MAD1L1: variants seen among roughly 807,000 people sequenced by gnomAD.
MAD1L1 encodes the protein mitotic spindle assembly checkpoint protein MAD1.
Under a neutral mutation model 96.9 loss-of-function variants are expected in MAD1L1, and 95 were observed. That is an observed-to-expected ratio of 0.98 (90% CI 0.83 to 1.16). The LOEUF is 1.16. MAD1L1 is among the 50% of genes most tolerant of loss of function. MAD1L1 has a pLI of 0.00. For missense variants in MAD1L1, 1,007 were observed against 954.4 expected, an observed-to-expected ratio of 1.06 and a Z score of -0.73; for synonymous variants, 473 against 396.6, an observed-to-expected ratio of 1.19 and a Z score of -2.29.
At chr7:1,953,843 A>C (rs1779608686) in intron 16 of MAD1L1, among the ~76,000 whole-genome samples, 1 of 152,224 alleles carries the variant, frequency 6.6e-6, no homozygotes, top group African/African-American at 2.4e-5. Context: ...CGGGGGCCCC[A>C]CGGGGCACAG....
chr7:2,182,662 G>A (rs1188003480), intron 10 of MAD1L1, among the ~76,000 whole-genome samples: 4 of 152,170 alleles, frequency 2.6e-5, no homozygotes, highest in African/African-American at 7.2e-5. Context: ...CGTGCCACAG[G>A]GTAGACGCCC....
chr7:2,213,841 G>A (rs989915748), intron 9 of MAD1L1, among the ~76,000 whole-genome samples: 5 of 152,212 alleles, frequency 3.3e-5, no homozygotes, highest in African/African-American at 1.2e-4. Flanking sequence ...CCTGTCCCAT[G>A]CTGAGCCGCA....
At chr7:1,852,330 G>A (rs774126856) in intron 18 of MAD1L1, among the ~76,000 whole-genome samples, 6 of 152,200 alleles carry the variant, frequency 3.9e-5, no homozygotes, top group South Asian at 2.1e-4. Flanking sequence ...TGGGTTTCCC[G>A]GACTGGGAGG....
chr7:2,106,959 G>A (rs746012307), intron 11 of MAD1L1, among the ~76,000 whole-genome samples: 2 of 152,104 alleles, frequency 1.3e-5, no homozygotes, highest in East Asian at 1.9e-4. Flanking sequence ...CTAGAGGAGC[G>A]TAGTCTAGTG....
chr7:2,032,833 G>A (rs543040342), intron 12 of MAD1L1, among the ~76,000 whole-genome samples: 4 of 152,328 alleles, frequency 2.6e-5, no homozygotes, highest in African/African-American at 9.6e-5. Flanking sequence ...CGTGAGCACT[G>A]TAAGAACAGG....
chr7:1,902,676 G>A (rs545962521), intron 17 of MAD1L1, among the ~76,000 whole-genome samples: 67 of 76,822 alleles, frequency 8.7e-4, no homozygotes, highest in African/African-American at 4.1e-3. Context: ...TCAGGGTGCA[G>A]GGAACCGTCT....
rs943867124 is a variant in MAD1L1, at chr7:2,055,199, A to C, written c.1218+13995T>G. 2.6e-5 allele frequency among the ~76,000 whole-genome samples: 4 copies of C among 152,128 alleles called. No individual in the cohort carries two copies. In the South Asian group the frequency reaches 8.3e-4, roughly 32 times the overall value. On this transcript the variant is annotated intron_variant, in intron 12 of 18. Coordinates refer to ENST00000265854, the MANE Select transcript of MAD1L1 (RefSeq NM_001013836.2). ...CACGCCACAAACCCTGACAGAAAGCAGGGAGTGAATGAGCACACGCCAGGA... is the reference window on the plus strand; with the variant it reads ...CACGCCACAAACCCTGACAGAAAGCCGGGAGTGAATGAGCACACGCCAGGA...
At chr7:2,141,464 G>A (rs1789027620) in intron 11 of MAD1L1, among the ~76,000 whole-genome samples, 1 of 152,212 alleles carries the variant, frequency 6.6e-6, no homozygotes, top group East Asian at 1.9e-4. Flanking sequence ...GGGGGCCACA[G>A]AGAACCCGGC....
intron 11 of MAD1L1, among the ~76,000 whole-genome samples, chr7:2,115,662 G>A (rs1037821810): frequency 3.9e-5 from 6 of 152,372 alleles, no homozygotes; most frequent in South Asian, 2.1e-4. Context: ...TGTCAATGCC[G>A]GGCCTGTGGA....
At chr7:1,913,348 A>G (rs1308802947) in intron 17 of MAD1L1, among the ~76,000 whole-genome samples, 1 of 146,920 alleles carries the variant, frequency 6.8e-6, no homozygotes, top group Admixed American at 6.7e-5. Flanking sequence ...CTCCACCCGG[A>G]GGAAGCGGCC....
chr7:2,225,651 C>T lies in MAD1L1; in HGVS notation c.151-101G>A, dbSNP rs1239526587. The T allele has an allele frequency of 1.3e-5, 17 of 1,300,412 alleles. No individual in the cohort carries two copies. In the Admixed American group the frequency reaches 2.4e-4, roughly 18 times the overall value. The allele number at this position is 1,300,412 out of a possible 1,614,324, so 80.6% of individuals were successfully genotyped here. ...GACACACTCCCTGAGGACCCATTCCCGCAGGTCCCGTGCTAAGTCTTGATG... is the reference window on the plus strand; with the variant it reads ...GACACACTCCCTGAGGACCCATTCCTGCAGGTCCCGTGCTAAGTCTTGATG... On this transcript the variant is annotated intron_variant, in intron 3 of 18. Coordinates refer to ENST00000265854, the MANE Select transcript of MAD1L1 (RefSeq NM_001013836.2).
At position 2,114,990 on chromosome 7, in the gene MAD1L1, C is replaced by A. The variant is rs970005139; in HGVS notation, c.1073+34162G>T. On this transcript the variant is annotated intron_variant, in intron 11 of 18. Transcript: ENST00000265854. The surrounding 1 kb of genome is among the most constrained non-coding windows in gnomAD (Gnocchi z 4.2). ...TCTGTTCCCAGGGTAGAAACAGTGA[C>A]GGGCCAGTGCAGCAGAGAAGAGCAG... 2.0e-5 allele frequency among the ~76,000 whole-genome samples: 3 copies of A among 152,238 alleles called. No homozygotes were observed. Among genetic ancestry groups the A allele is most frequent in the Non-Finnish European group, 4.4e-5 (3 of 68,036 alleles).
chr7:2,112,056 G>T (rs1787409770), intron 11 of MAD1L1, among the ~76,000 whole-genome samples: 1 of 152,194 alleles, frequency 6.6e-6, no homozygotes, highest in Non-Finnish European at 1.5e-5. Context: ...CGTGCCTGGA[G>T]CATCACTCAG....
chr7:2,167,343 A>C (rs373258258), intron 10 of MAD1L1, among the ~76,000 whole-genome samples: 1 of 149,410 alleles, frequency 6.7e-6, no homozygotes, highest in African/African-American at 2.5e-5. Flanking sequence ...CTCAGGAGAT[A>C]GAGACCATCC....
At chr7:1,854,540 G>C (rs1662639094) in intron 18 of MAD1L1, among the ~76,000 whole-genome samples, 1 of 152,038 alleles carries the variant, frequency 6.6e-6, no homozygotes, top group South Asian at 2.1e-4. Flanking sequence ...GGGGACTCTG[G>C]GGTCCCCTCT....
At chr7:2,017,054 AC>A in intron 12 of MAD1L1, among the ~76,000 whole-genome samples, 1 of 152,160 alleles carries the variant, frequency 6.6e-6, no homozygotes. Flanking sequence ...CTTCAGCCTA[AC>A]TCCAGGCTAG....
chr7:2,134,516 G>A lies in MAD1L1; in HGVS notation c.1073+14636C>T, dbSNP rs144813205. 6.8e-4 allele frequency among the ~76,000 whole-genome samples: 104 copies of A among 152,328 alleles called. 1 individual carries two copies. Among genetic ancestry groups the A allele is most frequent in the African/African-American group, 2.2e-3 (93 of 41,560 alleles). On this transcript the variant is annotated intron_variant, in intron 11 of 18. Transcript: ENST00000265854. ...GTACTTCCAGTACGACAGCGAATAG[G>A]AGTGGTGAGTGGGACTCCTTGCCTC...
chr7:1,960,775 T>C (rs1002520171), intron 15 of MAD1L1, among the ~76,000 whole-genome samples: 1 of 152,152 alleles, frequency 6.6e-6, no homozygotes, highest in African/African-American at 2.4e-5. Flanking sequence ...AAGGACCACA[T>C]GATCAGCCAA....
At chr7:1,843,694 C>T (rs980432518) in intron 18 of MAD1L1, among the ~76,000 whole-genome samples, 9 of 152,204 alleles carry the variant, frequency 5.9e-5, no homozygotes, top group Admixed American at 5.2e-4. Flanking sequence ...GCTGAAGACT[C>T]ACTTCTGGAG....
Sources: gnomAD v4.1 joint callset for allele counts (sites outside exome capture counted in the v4.1 genomes callset) on GRCh38, gnomAD v4.1.1 for gene constraint, Gnocchi (gnomAD v3.1) non-coding constraint, MANE v1.5 for transcripts, NCBI Gene and HGNC (gene_info 2026-07-23, HGNC 2026-07-21) for gene names.